Variants in GRM4 observed in about 807,000 individuals in gnomAD.
GRM4 encodes metabotropic glutamate receptor 4.
GRM4 carries 28 observed loss-of-function variants against 81.7 expected under a neutral mutation model. That is an observed-to-expected ratio of 0.34 (90% CI 0.25 to 0.47). The LOEUF (loss-of-function observed/expected upper bound fraction) is 0.47, where lower values mean the gene tolerates loss of function less well. Ranked by LOEUF, GRM4 falls within the 20% of genes least tolerant of loss-of-function variation. The probability of loss-of-function intolerance (pLI) is 1.00; values close to 1 mark genes in which losing one functional copy is unlikely to be tolerated. For synonymous variants in GRM4, 488 were observed against 528.8 expected (o/e 0.92, Z 1.06); for missense variants, 948 against 1,290.0 (o/e 0.73, Z 4.06).
At chr6:34,102,208 A>C in intron 2 of GRM4, 1 of 1,484,210 alleles carries the variant, frequency 6.7e-7, no homozygotes, top group Non-Finnish European at 9.1e-7. Context: ...CAAAATTCAC[A>C]CACCAGCCTT....
chr6:34,072,637 C>CCACA (rs568587611), intron 3 of GRM4, among the ~76,000 whole-genome samples: 471 of 57,696 alleles, frequency 8.2e-3, no homozygotes, highest in African/African-American at 0.017. Flanking sequence ...TAGATACACA[C>CCACA]CACACACACA....
Position 34,059,253 on chromosome 6 carries a change from G to T in GRM4, c.873-125C>A. 1.2e-6 allele frequency: 1 copy of T among 805,656 alleles called. No individual in the cohort carries two copies. Among genetic ancestry groups the T allele is most frequent in the Non-Finnish European group, 2.0e-6 (1 of 498,188 alleles). 49.9% of individuals were successfully genotyped at this position (805,656 alleles called of 1,614,324 possible). On this transcript the variant is annotated intron_variant, in intron 4 of 10. Transcript: ENST00000538487. The surrounding 1 kb of genome is among the most constrained non-coding windows in gnomAD (Gnocchi z 5.7). ...AAGCCCAGGGTCCACAACTGTCCCA[G>T]CACCGATGCTTTCACCCCAAGCCAT...
rs891112267 is a variant in GRM4, at chr6:34,103,958, G to A, written c.520-11859C>T. On this transcript the variant is annotated intron_variant, in intron 2 of 10. Transcript: ENST00000538487. Reference sequence around the variant, plus strand: ...TGCACCTCTCTCACACACAGGAGGTGCGACAGGGGCTCATGCACAGCCTCC... The same window carrying A: ...TGCACCTCTCTCACACACAGGAGGTACGACAGGGGCTCATGCACAGCCTCC... 31 of 765,626 alleles carry A rather than the reference G, an allele frequency of 4.0e-5. No individual in the cohort carries two copies. The South Asian group carries it at 6.6e-4, about 16-fold the overall frequency. 47.4% of individuals were successfully genotyped at this position (765,626 alleles called of 1,614,324 possible).
At chr6:34,148,437 G>GACAC (rs370422279), upstream of GRM4, among the ~76,000 whole-genome samples, 2 of 151,654 alleles carry the variant, frequency 1.3e-5, no homozygotes, top group Non-Finnish European at 2.9e-5. Flanking sequence ...CACACTGAGA[G>GACAC]ACACACACAC....
Position 34,130,625 on chromosome 6 carries a change from T to C in GRM4, c.519+2353A>G, listed in dbSNP as rs142747441. The stretch of plus-strand genomic sequence containing the variant: ...GGGCACTGAGCGTCTCATCTCAAAA[T>C]ATCTATGTTCCCAAGAACACACTTT... On this transcript the variant is annotated intron_variant, in intron 2 of 10. Transcript: ENST00000538487. The surrounding 1 kb of genome is among the most constrained non-coding windows in gnomAD (Gnocchi z 4.1). Among the ~76,000 whole-genome samples the C allele has an allele frequency of 7.9e-5, 12 of 152,308 alleles. No individual in the cohort carries two copies. Among genetic ancestry groups the C allele is most frequent in the Admixed American group, 2.0e-4 (3 of 15,298 alleles).
chr6:34,155,006 G>A (rs1041944137), intron 1 of GRM4: 26 of 1,238,388 alleles, frequency 2.1e-5, no homozygotes, highest in East Asian at 2.7e-5. Context: ...CCCAGTCTAC[G>A]CCTCCCACAG....
chr6:34,100,866 G>T (rs1209412981), intron 2 of GRM4, among the ~76,000 whole-genome samples: 1 of 152,192 alleles, frequency 6.6e-6, no homozygotes, highest in African/African-American at 2.4e-5. Flanking sequence ...GTAAGCAATG[G>T]GTCCCTGAGC....
Position 34,028,263 on chromosome 6 carries a change from G to A in GRM4, c.2546C>T (p.Pro849Leu), listed in dbSNP as rs199744441. The change falls in exon 10 of 11, where the codon CCG becomes CTG. Residue 849 changes from proline to leucine, a missense_variant. Coordinates refer to ENST00000538487, the MANE Select transcript of GRM4 (RefSeq NM_000841.4). ...CTTGCGCTTGGGCACGTTCTGCTCCGGGTGGAAGAGGATGATGTAGACTTT... is the reference window on the plus strand; with the variant it reads ...CTTGCGCTTGGGCACGTTCTGCTCCAGGTGGAAGAGGATGATGTAGACTTT... Reference protein sequence around the residue: ...MPKVYIILFHPEQNVPKRKRS... With the variant: ...MPKVYIILFHLEQNVPKRKRS... 5.6e-6 allele frequency: 9 copies of A among 1,614,042 alleles called. No homozygotes were observed. The highest frequency in any genetic ancestry group is 4.5e-5 in the East Asian group (2 of 44,882).
At chr6:34,100,712 C>G (rs767549654) in intron 2 of GRM4, among the ~76,000 whole-genome samples, 28 of 152,220 alleles carry the variant, frequency 1.8e-4, no homozygotes, top group Non-Finnish European at 1.3e-4. Context: ...GGCCATCAGC[C>G]AAACATTTCA....
At chr6:34,110,083 G>A (rs909060779) in intron 2 of GRM4, among the ~76,000 whole-genome samples, 1 of 152,138 alleles carries the variant, frequency 6.6e-6, no homozygotes, top group African/African-American at 2.4e-5. Flanking sequence ...GATTCCTTGA[G>A]CCCAGGAGTT....
intron 3 of GRM4, among the ~76,000 whole-genome samples, chr6:34,082,000 A>G (rs944330980): frequency 6.6e-6 from 1 of 152,144 alleles, no homozygotes; most frequent in Non-Finnish European, 1.5e-5. Flanking sequence ...AGCCAAGGGA[A>G]GAAACTGGAA....
Position 34,068,704 on chromosome 6 carries a change from G to A in GRM4, c.737-6676C>T, listed in dbSNP as rs1265162393. On this transcript the variant is annotated intron_variant, in intron 3 of 10. Coordinates refer to ENST00000538487, the MANE Select transcript of GRM4 (RefSeq NM_000841.4). The surrounding 1 kb of genome is among the most constrained non-coding windows in gnomAD (Gnocchi z 4.2). ...GGAAAGGCCTCCCGTAAGAGGAGCCGGCTTGTGCCCTGCCTCACCCACTCC... is the reference window on the plus strand; with the variant it reads ...GGAAAGGCCTCCCGTAAGAGGAGCCAGCTTGTGCCCTGCCTCACCCACTCC... Among the ~76,000 whole-genome samples, 2 of 152,182 alleles carry A rather than the reference G, an allele frequency of 1.3e-5. No individual in the cohort carries two copies. The highest frequency in any genetic ancestry group is 6.5e-5 in the Admixed American group (1 of 15,286).
intron 6 of GRM4, 130 bp downstream of exon 6, chr6:34,056,414 G>T: frequency 1.3e-6 from 1 of 789,630 alleles, no homozygotes; most frequent in Non-Finnish European, 2.0e-6. Flanking sequence ...CCAGGTGCAG[G>T]CCCAACTGCA....
intron 2 of GRM4, among the ~76,000 whole-genome samples, chr6:34,107,443 C>A (rs1769181188): frequency 1.3e-5 from 2 of 151,874 alleles, no homozygotes; most frequent in South Asian, 4.2e-4. Context: ...ATTGCTGAGT[C>A]CAGAAGGAGA....
At chr6:34,119,770 G>A (rs1769732088) in intron 2 of GRM4, among the ~76,000 whole-genome samples, 1 of 152,226 alleles carries the variant, frequency 6.6e-6, no homozygotes, top group Non-Finnish European at 1.5e-5. Context: ...AGGTCCTTAT[G>A]CACTGACGAA....
intron 6 of GRM4, among the ~76,000 whole-genome samples, chr6:34,044,289 TAGAC>T (rs1328241071): frequency 2.6e-4 from 33 of 129,070 alleles, no homozygotes; most frequent in East Asian, 1.7e-3. Flanking sequence ...CACACACACA[TAGAC>T]ATACATACAT....
chr6:34,069,167 T>TACAC lies in GRM4; in HGVS notation c.737-7143_737-7140dup, dbSNP rs71000021. Among the ~76,000 whole-genome samples the TACAC allele has an allele frequency of 0.041, 5,476 of 134,598 alleles. 150 individuals are homozygous for TACAC. The highest frequency in any genetic ancestry group is 0.094 in the African/African-American group (3,160 of 33,750). 88.3% of individuals were successfully genotyped at this position (134,598 alleles called of 152,430 possible). ...CTACCCCTGGACCCTCATGGGCGTATACACACACACACACACACACACACA... is the reference window on the plus strand; with the variant it reads ...CTACCCCTGGACCCTCATGGGCGTATACACACACACACACACACACACACACACA... On this transcript the variant is annotated intron_variant, in intron 3 of 10. Transcript: ENST00000538487. The surrounding 1 kb of genome is among the most constrained non-coding windows in gnomAD (Gnocchi z 6.4).
intron 1 of GRM4, among the ~76,000 whole-genome samples, chr6:34,145,786 C>G (rs1770906349): frequency 6.6e-6 from 1 of 152,190 alleles, no homozygotes; most frequent in Non-Finnish European, 1.5e-5. Flanking sequence ...GCGGGCCAAG[C>G]TCACGGCGCT....
intron 4 of GRM4, chr6:34,061,620 C>T: frequency 2.6e-6 from 1 of 384,436 alleles, no homozygotes; most frequent in South Asian, 5.6e-5. Flanking sequence ...AAGCTCACGG[C>T]CTCAGCCCTC....
Sources: allele counts gnomAD v4.1 joint callset (sites outside exome capture counted in the v4.1 genomes callset), GRCh38; gene constraint gnomAD v4.1.1; non-coding constraint Gnocchi (gnomAD v3.1); transcripts MANE v1.5; gene names NCBI Gene and HGNC (gene_info 2026-07-23, HGNC 2026-07-21).